ATP6V0A1: variants seen among roughly 807,000 people sequenced by gnomAD.
ATP6V0A1 encodes V-type proton ATPase 116 kDa subunit a 1.
In ATP6V0A1, 43 loss-of-function variants were observed where a neutral mutation model predicts 105.4. The observed-to-expected ratio is 0.41, with a 90% CI of 0.32 to 0.53. The LOEUF is 0.53. ATP6V0A1 is among the 20% of genes least tolerant of loss of function. The pLI is 0.30. For missense variants in ATP6V0A1, 676 were observed against 1,051.1 expected, an observed-to-expected ratio of 0.64 and a Z score of 4.93; for synonymous variants, 362 against 372.8, an observed-to-expected ratio of 0.97 and a Z score of 0.33.
intron 5 of ATP6V0A1, among the ~76,000 whole-genome samples, chr17:42,476,895 T>C (rs2088824862): frequency 6.6e-6 from 1 of 152,242 alleles, no homozygotes; most frequent in Non-Finnish European, 1.5e-5. Context: ...AGAAGATTCC[T>C]AGTCAGAAAA....
chr17:42,459,683 G>C (rs1348510330), intron 1 of ATP6V0A1, among the ~76,000 whole-genome samples: 1 of 152,156 alleles, frequency 6.6e-6, no homozygotes, highest in African/African-American at 2.4e-5. Flanking sequence ...GGGTGGTGCC[G>C]GTAACAGCTG....
intron 17 of ATP6V0A1, among the ~76,000 whole-genome samples, chr17:42,503,315 T>G (rs1282027117): frequency 1.3e-5 from 2 of 152,240 alleles, no homozygotes; most frequent in Admixed American, 1.3e-4. Context: ...ACATTTGATC[T>G]TTTTTAGTAG....
intron 9 of ATP6V0A1, among the ~76,000 whole-genome samples, chr17:42,485,624 G>T (rs1411655726): frequency 1.3e-5 from 2 of 152,088 alleles, no homozygotes; most frequent in Admixed American, 1.3e-4. Flanking sequence ...GCACAATCTT[G>T]GCTCACTGCA....
At chr17:42,515,882 A>G (rs2092602272) in intron 21 of ATP6V0A1, among the ~76,000 whole-genome samples, 1 of 152,266 alleles carries the variant, frequency 6.6e-6, no homozygotes, top group Non-Finnish European at 1.5e-5. Context: ...TGCTTATACT[A>G]AAAACTGGGG....
intron 21 of ATP6V0A1, chr17:42,519,150 T>C (rs1052284530): frequency 6.6e-6 from 1 of 152,170 alleles, no homozygotes; most frequent in Non-Finnish European, 1.5e-5. Flanking sequence ...CACAGTACAA[T>C]TGATGTGCCC....
intron 5 of ATP6V0A1, among the ~76,000 whole-genome samples, chr17:42,473,515 T>C (rs978079818): frequency 6.6e-6 from 1 of 152,218 alleles, no homozygotes; most frequent in African/African-American, 2.4e-5. Flanking sequence ...ATATCCAAGC[T>C]GCTACCCACA....
intron 17 of ATP6V0A1, 109 bp from the exon 18 acceptor site, chr17:42,507,411 T>C (rs2092096136): frequency 1.3e-6 from 1 of 773,552 alleles, no homozygotes; most frequent in African/African-American, 1.8e-5. Flanking sequence ...TTTTTGTTGT[T>C]AGACATATGC....
chr17:42,478,390 A>T, intron 6 of ATP6V0A1, 73 bp from the exon 7 acceptor site: 1 of 1,154,998 alleles, frequency 8.7e-7, no homozygotes, highest in Non-Finnish European at 1.1e-6. Flanking sequence ...AATATAAATA[A>T]AAAAGACTTG....
At chr17:42,491,821 G>A (rs918299241) in intron 11 of ATP6V0A1, among the ~76,000 whole-genome samples, 9 of 150,978 alleles carry the variant, frequency 6.0e-5, no homozygotes, top group Admixed American at 3.3e-4. Context: ...GTTTCACTGT[G>A]TTAGCCAGGA....
At chr17:42,473,904 T>A (rs2088340897) in intron 5 of ATP6V0A1, among the ~76,000 whole-genome samples, 1 of 152,212 alleles carries the variant, frequency 6.6e-6, no homozygotes, top group South Asian at 2.1e-4. Context: ...TTTTATTTTG[T>A]GAATAATAAG....
chr17:42,506,851 G>A (rs2092060195), intron 17 of ATP6V0A1, among the ~76,000 whole-genome samples: 1 of 152,134 alleles, frequency 6.6e-6, no homozygotes, highest in African/African-American at 2.4e-5. Context: ...GTCTGCCCAC[G>A]TGCCTGTGGA....
chr17:42,478,000 G>A (rs1206791968), intron 6 of ATP6V0A1, among the ~76,000 whole-genome samples: 1 of 152,028 alleles, frequency 6.6e-6, no homozygotes, highest in Non-Finnish European at 1.5e-5. Flanking sequence ...AGAAAGTGTG[G>A]CACATATACA....
At chr17:42,505,420 G>T (rs1351348762) in intron 17 of ATP6V0A1, among the ~76,000 whole-genome samples, 1 of 151,352 alleles carries the variant, frequency 6.6e-6, no homozygotes, top group Non-Finnish European at 1.5e-5. Context: ...TGGCCAGGCT[G>T]GTCTTGAACT....
intron 21 of ATP6V0A1, among the ~76,000 whole-genome samples, chr17:42,517,128 A>T (rs554235963): frequency 6.6e-6 from 1 of 152,226 alleles, no homozygotes; most frequent in South Asian, 2.1e-4. Context: ...AAAAATGCAA[A>T]CATTAGCTGG....
chr17:42,498,374 A>C (rs1488490610), intron 14 of ATP6V0A1, among the ~76,000 whole-genome samples: 2 of 152,100 alleles, frequency 1.3e-5, no homozygotes, highest in Non-Finnish European at 2.9e-5. Flanking sequence ...TTTCATGACT[A>C]TAAGGTGATG....
intron 5 of ATP6V0A1, among the ~76,000 whole-genome samples, chr17:42,476,774 G>T (rs2088810758): frequency 1.3e-5 from 2 of 152,060 alleles, no homozygotes; most frequent in African/African-American, 4.8e-5. Flanking sequence ...AATTAAACCA[G>T]CCCATGAACT....
intron 14 of ATP6V0A1, among the ~76,000 whole-genome samples, chr17:42,496,818 A>G (rs2091228711): frequency 6.6e-6 from 1 of 152,214 alleles, no homozygotes; most frequent in Non-Finnish European, 1.5e-5. Context: ...CCTGGGGGAC[A>G]TAGCAAGACT....
In ATP6V0A1 at chr17:42,466,492, A is replaced by C; in HGVS notation, c.181A>C (p.Met61Leu). 1 of 1,613,130 alleles carries C rather than the reference A, an allele frequency of 6.2e-7. No homozygotes were observed. Among genetic ancestry groups the C allele is most frequent in the South Asian group, 1.1e-5 (1 of 91,028 alleles). The change falls in exon 3 of 22, where the codon ATG becomes CTG. Residue 61 changes from methionine to leucine, a missense_variant. Met to Leu is a conservative substitution (Grantham distance 15). This residue lies in a region of ATP6V0A1 where 239 missense variants were observed against 388.4 expected (regional missense o/e 0.62). Transcript: ENST00000343619. The stretch of plus-strand genomic sequence containing the variant: ...GAATGAAGTTAGAAGATGTGAAGAA[A>C]TGGATCGAAAGCTTCGTATGTGCAC... ...FVNEVRRCEE[M>L]DRKLRFVEKE...
chr17:42,520,927 G>A lies in ATP6V0A1; in HGVS notation c.2421-100G>A, dbSNP rs2146394444. 3.8e-6 allele frequency: 4 copies of A among 1,044,970 alleles called. No individual in the cohort carries two copies. In the East Asian group the frequency reaches 9.9e-5, roughly 26 times the overall value. 64.7% of individuals were successfully genotyped at this position (1,044,970 alleles called of 1,614,324 possible). A position where few individuals can be genotyped will look rare whatever the true frequency, so the allele number is the denominator to read the frequency against. Reference sequence around the variant, plus strand: ...CTTCCCCAGGGAAGGGAGGCTCGGGGTGAGGTGGGCACGGGGCATCTTTCC... The same window carrying A: ...CTTCCCCAGGGAAGGGAGGCTCGGGATGAGGTGGGCACGGGGCATCTTTCC... On this transcript the variant is annotated intron_variant, in intron 21 of 21. Transcript: ENST00000343619.
Sources: gnomAD v4.1 joint callset for allele counts (sites outside exome capture counted in the v4.1 genomes callset) on GRCh38, gnomAD v4.1.1 for gene constraint, gnomAD v4.1.1 regional missense constraint, MANE v1.5 for transcripts, NCBI Gene and HGNC (gene_info 2026-07-23, HGNC 2026-07-21) for gene names.